SGCD: variants seen among roughly 807,000 people sequenced by gnomAD.
SGCD encodes the protein sarcoglycan delta.
In SGCD, 18 loss-of-function variants were observed where a neutral mutation model predicts 36.6. That is an observed-to-expected ratio of 0.49 (90% confidence interval 0.34 to 0.73). The LOEUF (loss-of-function observed/expected upper bound fraction) is 0.73, where lower values mean the gene tolerates loss of function less well. Ranked by LOEUF, SGCD falls within the 30% of genes least tolerant of loss-of-function variation. The pLI is 0.01. For synonymous variants in SGCD, 133 were observed against 130.6 expected (o/e 1.02, Z -0.12); for missense variants, 387 against 346.7 (o/e 1.12, Z -0.92).
At chr5:156,549,379 TCTA>T (rs1351376193) in intron 4 of SGCD, among the ~76,000 whole-genome samples, 1 of 152,214 alleles carries the variant, frequency 6.6e-6, no homozygotes, top group African/African-American at 2.4e-5. Context: ...AAAATATTAT[TCTA>T]CTGTTGAACA....
chr5:155,784,308 A>G, the SGCD span, among the ~76,000 whole-genome samples: 2 of 152,152 alleles, frequency 1.3e-5, no homozygotes, highest in African/African-American at 4.8e-5. Context: ...ACCTGGGGCT[A>G]AAAACATAGG....
At chr5:156,587,492 G>T (rs144871222) in intron 4 of SGCD, among the ~76,000 whole-genome samples, 149 of 152,230 alleles carry the variant, frequency 9.8e-4, no homozygotes, top group African/African-American at 3.3e-3. Flanking sequence ...CATACCAGGA[G>T]AGCATAAATC....
chr5:155,759,018 T>C, the SGCD span, among the ~76,000 whole-genome samples: 1 of 152,058 alleles, frequency 6.6e-6, no homozygotes, highest in Non-Finnish European at 1.5e-5. Context: ...ATTTTTATTT[T>C]TTTTTTAGAG....
the SGCD span, among the ~76,000 whole-genome samples, chr5:155,814,630 A>G: frequency 6.6e-6 from 1 of 152,144 alleles, no homozygotes; most frequent in Non-Finnish European, 1.5e-5. Context: ...CGTGAGTGCA[A>G]CAGTTGAATA....
At chr5:156,719,285 T>C (rs188291808) in intron 7 of SGCD, among the ~76,000 whole-genome samples, 3 of 152,000 alleles carry the variant, frequency 2.0e-5, no homozygotes, top group Non-Finnish European at 4.4e-5. Flanking sequence ...TATTGAGACT[T>C]TCAACTGATT....
chr5:155,792,840 T>G, the SGCD span, among the ~76,000 whole-genome samples: 6 of 152,140 alleles, frequency 3.9e-5, no homozygotes, highest in Admixed American at 6.6e-5. Context: ...GGAAAGCAGT[T>G]TGGAGATTTC....
upstream of SGCD, among the ~76,000 whole-genome samples, chr5:156,324,262 G>C (rs1485892725): frequency 6.6e-6 from 1 of 152,108 alleles, no homozygotes; most frequent in Admixed American, 6.5e-5. Flanking sequence ...CATCACATTT[G>C]AGGTTATTTT....
At chr5:155,970,876 A>C (rs987746075) in intron 1 of SGCD, among the ~76,000 whole-genome samples, 1 of 152,148 alleles carries the variant, frequency 6.6e-6, no homozygotes, top group African/African-American at 2.4e-5. Flanking sequence ...GATTTCACCA[A>C]ACAGGATTTT....
At chr5:155,936,416 A>G (rs1486046081) in intron 1 of SGCD, among the ~76,000 whole-genome samples, 1 of 152,144 alleles carries the variant, frequency 6.6e-6, no homozygotes, top group Non-Finnish European at 1.5e-5. Context: ...AGCTCGCAGC[A>G]GAGAGCAGAC....
chr5:156,737,246 G>A (rs1371734842), intron 7 of SGCD, among the ~76,000 whole-genome samples: 4 of 152,092 alleles, frequency 2.6e-5, no homozygotes, highest in African/African-American at 9.7e-5. Flanking sequence ...GTTCATTCCA[G>A]TAAATAGTGG....
intron 3 of SGCD, among the ~76,000 whole-genome samples, chr5:156,492,392 T>A (rs1457481732): frequency 6.6e-6 from 1 of 152,100 alleles, no homozygotes; most frequent in East Asian, 1.9e-4. Context: ...TCAGGAGAAC[T>A]GATGGCATAG....
intron 7 of SGCD, among the ~76,000 whole-genome samples, chr5:156,704,667 A>G (rs1030731230): frequency 1.8e-4 from 27 of 152,218 alleles, no homozygotes; most frequent in African/African-American, 6.3e-4. Context: ...GGTTTATTCG[A>G]ATATTTTAGT....
intron 1 of SGCD, among the ~76,000 whole-genome samples, chr5:155,904,698 T>C (rs925195796): frequency 3.3e-5 from 5 of 152,170 alleles, no homozygotes; most frequent in Non-Finnish European, 7.3e-5. Context: ...GGCCTCACTT[T>C]TTGATGTGTG....
At chr5:156,268,235 T>C (rs1448493397) in intron 3 of SGCD, among the ~76,000 whole-genome samples, 1 of 152,230 alleles carries the variant, frequency 6.6e-6, no homozygotes, top group African/African-American at 2.4e-5. Flanking sequence ...CAATCTGGCA[T>C]TGATGGGCAT....
chr5:156,115,577 C>T (rs1387482248), intron 1 of SGCD, among the ~76,000 whole-genome samples: 3 of 152,046 alleles, frequency 2.0e-5, no homozygotes, highest in Non-Finnish European at 4.4e-5. Context: ...ATTAATACAT[C>T]TTCAATATCA....
intron 4 of SGCD, among the ~76,000 whole-genome samples, chr5:156,526,879 CTG>C (rs1488900112): frequency 6.6e-6 from 1 of 152,156 alleles, no homozygotes; most frequent in African/African-American, 2.4e-5. Flanking sequence ...GATAAATTGA[CTG>C]TGCGTGCTTT....
intron 3 of SGCD, among the ~76,000 whole-genome samples, chr5:156,156,102 A>G (rs1762955380): frequency 1.3e-5 from 2 of 151,648 alleles, no homozygotes; most frequent in Non-Finnish European, 2.9e-5. Flanking sequence ...TAGCTATTCT[A>G]CTTTCACCAA....
At chr5:155,816,601 C>T in the SGCD span, among the ~76,000 whole-genome samples, 1 of 152,090 alleles carries the variant, frequency 6.6e-6, no homozygotes, top group Non-Finnish European at 1.5e-5. Context: ...GTTCAAGGGT[C>T]AACTGTAATT....
intron 6 of SGCD, among the ~76,000 whole-genome samples, chr5:156,647,043 C>T (rs999737219): frequency 1.3e-5 from 2 of 152,134 alleles, no homozygotes; most frequent in Non-Finnish European, 2.9e-5. Flanking sequence ...CCATCTAACC[C>T]ACTGCGTAGA....
Sources: allele counts gnomAD v4.1 joint callset (sites outside exome capture counted in the v4.1 genomes callset), GRCh38; gene constraint gnomAD v4.1.1; transcripts MANE v1.5; gene names NCBI Gene and HGNC (gene_info 2026-07-23, HGNC 2026-07-21).